The following ROBO1 variants were observed in gnomAD, a reference collection of about 807,000 sequenced individuals.
ROBO1 encodes roundabout guidance receptor 1, also known as roundabout homolog 1.
A neutral mutation model predicts 195.9 loss-of-function variants in ROBO1; 149 were observed. That is an observed-to-expected ratio of 0.76 (90% CI 0.67 to 0.87). ROBO1 has a LOEUF of 0.87. ROBO1 is among the 40% of genes least tolerant of loss of function. ROBO1 has a pLI of 0.00. For synonymous variants in ROBO1, 816 were observed against 733.2 expected (o/e 1.11, Z -1.82); for missense variants, 1,933 against 2,068.3 (o/e 0.93, Z 1.27).
intron 2 of ROBO1, among the ~76,000 whole-genome samples, chr3:79,529,336 A>T (rs1333150305): frequency 1.3e-5 from 2 of 152,220 alleles, no homozygotes; most frequent in East Asian, 1.9e-4. Context: ...AACAAAAAAA[A>T]TTAGCTAGGC....
chr3:79,322,068 A>G (rs907134468), intron 2 of ROBO1, among the ~76,000 whole-genome samples: 10 of 152,144 alleles, frequency 6.6e-5, no homozygotes, highest in African/African-American at 2.4e-4. Context: ...CTCAAACCCA[A>G]TGGTTTAGAT....
At chr3:79,063,527 A>AG in intron 3 of ROBO1, among the ~76,000 whole-genome samples, 1 of 150,618 alleles carries the variant, frequency 6.6e-6, no homozygotes, top group Non-Finnish European at 1.5e-5. Flanking sequence ...AAAAAAAAAA[A>AG]TGGACCTACT....
intron 3 of ROBO1, among the ~76,000 whole-genome samples, chr3:79,016,010 TCAC>T (rs1411084150): frequency 2.6e-5 from 4 of 152,242 alleles, no homozygotes; most frequent in Non-Finnish European, 5.9e-5. Context: ...TTATTTAAGC[TCAC>T]CACATTTCTC....
At chr3:79,216,659 T>A (rs555184985) in intron 2 of ROBO1, among the ~76,000 whole-genome samples, 2 of 152,176 alleles carry the variant, frequency 1.3e-5, no homozygotes, top group Non-Finnish European at 2.9e-5. Flanking sequence ...TTGTATTACA[T>A]GATTTAGCTA....
At chr3:79,663,925 A>G (rs1946400911) in intron 1 of ROBO1, among the ~76,000 whole-genome samples, 1 of 152,048 alleles carries the variant, frequency 6.6e-6, no homozygotes, top group Non-Finnish European at 1.5e-5. Context: ...GTTCAAATGC[A>G]CTAGAACAGC....
intron 5 of ROBO1, among the ~76,000 whole-genome samples, chr3:78,731,984 T>C (rs1386969548): frequency 6.6e-6 from 1 of 152,134 alleles, no homozygotes; most frequent in Non-Finnish European, 1.5e-5. Flanking sequence ...ACCAGCTATA[T>C]ACATAGCATT....
At chr3:79,031,629 ATAGTTC>A (rs1284515416) in intron 3 of ROBO1, among the ~76,000 whole-genome samples, 3 of 152,230 alleles carry the variant, frequency 2.0e-5, no homozygotes, top group Non-Finnish European at 4.4e-5. Flanking sequence ...GAAGAGCATA[ATAGTTC>A]TCCCCTTCTA....
At chr3:79,078,773 A>G (rs1331544755) in intron 3 of ROBO1, among the ~76,000 whole-genome samples, 1 of 151,816 alleles carries the variant, frequency 6.6e-6, no homozygotes, top group Non-Finnish European at 1.5e-5. Context: ...CTGAGACAGT[A>G]GACAGAGGTG....
At chr3:78,659,957 G>A (rs1168374423) in intron 16 of ROBO1, 150 bp from the exon 17 acceptor site, 2 of 462,962 alleles carry the variant, frequency 4.3e-6, no homozygotes, top group African/African-American at 2.5e-5. Context: ...GGCTCGCTCT[G>A]TCATCTAGGC....
chr3:79,747,897 A>G (rs1703943985), intron 1 of ROBO1, among the ~76,000 whole-genome samples: 3 of 152,080 alleles, frequency 2.0e-5, no homozygotes, highest in Non-Finnish European at 2.9e-5. Context: ...AAACAAGAAA[A>G]AAGAAAAATA....
intron 4 of ROBO1, among the ~76,000 whole-genome samples, chr3:78,792,394 CT>C (rs1419099629): frequency 6.6e-6 from 1 of 152,134 alleles, no homozygotes; most frequent in East Asian, 1.9e-4. Context: ...ACTTTACCTA[CT>C]AATGTGCCAT....
At chr3:78,686,030 C>T in intron 9 of ROBO1, 113 bp from the exon 10 acceptor site, 11 of 837,550 alleles carry the variant, frequency 1.3e-5, no homozygotes, top group Non-Finnish European at 2.0e-5. Context: ...AGTATTCATA[C>T]ACATATGCAT....
intron 3 of ROBO1, among the ~76,000 whole-genome samples, chr3:78,995,342 G>A (rs1044684061): frequency 2.6e-5 from 4 of 152,036 alleles, no homozygotes; most frequent in African/African-American, 7.2e-5. Context: ...TTGCTCCACA[G>A]GGTGGTTAAT....
intron 2 of ROBO1, among the ~76,000 whole-genome samples, chr3:79,303,740 T>G (rs543047392): frequency 2.0e-5 from 3 of 152,198 alleles, no homozygotes; most frequent in Non-Finnish European, 4.4e-5. Context: ...GCATTCAGAA[T>G]TACGTTAAAC....
intron 2 of ROBO1, among the ~76,000 whole-genome samples, chr3:79,330,027 A>T (rs1206966179): frequency 6.6e-6 from 1 of 151,882 alleles, no homozygotes; most frequent in Non-Finnish European, 1.5e-5. Flanking sequence ...AATTTTGTTT[A>T]TAAATTATAT....
intron 4 of ROBO1, among the ~76,000 whole-genome samples, chr3:78,828,008 A>C (rs1410749697): frequency 6.6e-6 from 1 of 152,240 alleles, no homozygotes; most frequent in Non-Finnish European, 1.5e-5. Context: ...GACTCAATTT[A>C]AGAAAAAATA....
At chr3:79,460,753 T>C (rs1225316658) in intron 2 of ROBO1, among the ~76,000 whole-genome samples, 2 of 152,164 alleles carry the variant, frequency 1.3e-5, no homozygotes, top group South Asian at 2.1e-4. Flanking sequence ...CTTTTTTCCT[T>C]TTTTTCTTTT....
intron 4 of ROBO1, among the ~76,000 whole-genome samples, chr3:78,849,088 A>C (rs987651789): frequency 6.6e-6 from 1 of 152,156 alleles, no homozygotes; most frequent in African/African-American, 2.4e-5. Flanking sequence ...AGCAAATACA[A>C]GATGGAATTT....
intron 3 of ROBO1, among the ~76,000 whole-genome samples, chr3:79,037,387 C>T (rs116706600): frequency 6.6e-6 from 1 of 152,188 alleles, no homozygotes; most frequent in South Asian, 2.1e-4. Context: ...CTTATAAATG[C>T]AACTGACATC....
Sources: gnomAD v4.1 joint callset for allele counts (sites outside exome capture counted in the v4.1 genomes callset) on GRCh38, gnomAD v4.1.1 for gene constraint, MANE v1.5 for transcripts, NCBI Gene and HGNC (gene_info 2026-07-23, HGNC 2026-07-21) for gene names.